Variants in RIMS2 observed in about 807,000 individuals in gnomAD.
RIMS2 encodes regulating synaptic membrane exocytosis 2.
In RIMS2, 59 loss-of-function variants were observed where a neutral mutation model predicts 174.4. The observed-to-expected ratio is 0.34, with a 90% CI of 0.27 to 0.42. The LOEUF (loss-of-function observed/expected upper bound fraction) is 0.42, where lower values mean the gene tolerates loss of function less well. Ranked by LOEUF, RIMS2 falls within the 10% of genes least tolerant of loss-of-function variation. The pLI is 1.00. For synonymous variants in RIMS2, 606 were observed against 572.5 expected (o/e 1.06, Z -0.84); for missense variants, 1,620 against 1,666.3 (o/e 0.97, Z 0.48).
chr8:104,215,456 G>A (rs918108359), intron 19 of RIMS2, among the ~76,000 whole-genome samples: 10 of 152,206 alleles, frequency 6.6e-5, no homozygotes, highest in Non-Finnish European at 1.5e-4. Flanking sequence ...AAGGAAAAGT[G>A]TAAATATGCA....
At chr8:103,717,223 A>C (rs1260791539) in intron 2 of RIMS2, among the ~76,000 whole-genome samples, 5 of 137,610 alleles carry the variant, frequency 3.6e-5, no homozygotes, top group Non-Finnish European at 7.6e-5. Flanking sequence ...GGGATGATGT[A>C]GATGGTGGCA....
intron 3 of RIMS2, among the ~76,000 whole-genome samples, chr8:103,834,742 T>TCTC (rs2098856188): frequency 1.8e-5 from 2 of 109,528 alleles, no homozygotes; most frequent in African/African-American, 8.6e-5. Context: ...CTTTCTTTCT[T>TCTC]TCTCTCTCTT....
At chr8:103,943,821 T>G (rs895069238) in intron 14 of RIMS2, among the ~76,000 whole-genome samples, 2 of 152,136 alleles carry the variant, frequency 1.3e-5, no homozygotes, top group Non-Finnish European at 2.9e-5. Context: ...TAGCAACATT[T>G]TGTCAAGTGC....
intron 1 of RIMS2, among the ~76,000 whole-genome samples, chr8:103,634,187 T>C (rs532267235): frequency 6.6e-6 from 1 of 152,348 alleles, no homozygotes; most frequent in South Asian, 2.1e-4. Context: ...AACACTGCCT[T>C]AGTTTTGTCC....
At chr8:104,184,804 A>G (rs1236272028) in intron 19 of RIMS2, among the ~76,000 whole-genome samples, 1 of 151,638 alleles carries the variant, frequency 6.6e-6, no homozygotes, top group Non-Finnish European at 1.5e-5. Context: ...GAAGTAATAA[A>G]GATCAAGTCA....
chr8:104,105,771 G>A (rs2098037599), intron 19 of RIMS2, among the ~76,000 whole-genome samples: 1 of 151,938 alleles, frequency 6.6e-6, no homozygotes, highest in African/African-American at 2.4e-5. Context: ...GGGCATGGTG[G>A]CTCACACCTG....
intron 19 of RIMS2, among the ~76,000 whole-genome samples, chr8:104,096,836 C>A (rs2130681701): frequency 6.6e-6 from 1 of 151,306 alleles, no homozygotes; most frequent in East Asian, 1.9e-4. Flanking sequence ...CCACTGCAAT[C>A]CAGCCTGGTG....
chr8:104,160,240 C>A (rs771065581), intron 19 of RIMS2, among the ~76,000 whole-genome samples: 1 of 152,052 alleles, frequency 6.6e-6, no homozygotes, highest in African/African-American at 2.4e-5. Flanking sequence ...AGGGAAGGAG[C>A]TATATCTCAT....
At chr8:104,201,292 A>T (rs1339660865) in intron 19 of RIMS2, among the ~76,000 whole-genome samples, 1 of 152,154 alleles carries the variant, frequency 6.6e-6, no homozygotes, top group Non-Finnish European at 1.5e-5. Context: ...GAAATTTTTA[A>T]TTGCTGCATA....
intron 19 of RIMS2, among the ~76,000 whole-genome samples, chr8:104,231,787 T>C (rs1433369317): frequency 6.6e-6 from 1 of 152,262 alleles, no homozygotes; most frequent in East Asian, 1.9e-4. Context: ...AACCTCTAAA[T>C]ATGTGCTATC....
intron 19 of RIMS2, among the ~76,000 whole-genome samples, chr8:104,161,931 G>A (rs963832879): frequency 1.3e-5 from 2 of 152,156 alleles, no homozygotes; most frequent in Non-Finnish European, 2.9e-5. Flanking sequence ...AATCTTTCTT[G>A]TGCATTTAAT....
chr8:104,212,107 C>T (rs537190831), intron 19 of RIMS2, among the ~76,000 whole-genome samples: 3 of 152,202 alleles, frequency 2.0e-5, no homozygotes, highest in South Asian at 2.1e-4. Context: ...GGAAAGAAAT[C>T]GAGAGTAGAT....
intron 1 of RIMS2, among the ~76,000 whole-genome samples, chr8:103,529,702 C>T (rs1270264372): frequency 2.0e-5 from 3 of 152,212 alleles, no homozygotes; most frequent in Non-Finnish European, 4.4e-5. Flanking sequence ...CAGAAATCAC[C>T]CATCTTCCGT....
intron 1 of RIMS2, among the ~76,000 whole-genome samples, chr8:103,638,373 G>A (rs2096140183): frequency 1.3e-5 from 2 of 152,058 alleles, no homozygotes; most frequent in South Asian, 2.1e-4. Flanking sequence ...AGTTACTACT[G>A]TGATGCTCTA....
intron 2 of RIMS2, among the ~76,000 whole-genome samples, chr8:103,723,448 G>A (rs2097482040): frequency 6.6e-6 from 1 of 152,210 alleles, no homozygotes; most frequent in Non-Finnish European, 1.5e-5. Context: ...GGAGTCTGTG[G>A]GTCAGATGGC....
rs71575988 is a variant in RIMS2 at position 103,967,170 on chromosome 8, G to GTTTTTTTTTTTTTTTTTTTTTT, written c.2770+6046_2770+6067dup. Reference sequence around the variant, plus strand: ...TTTTCTGCCTGCTTGATCTGTTCTTGTTTTTTTTTTTTTTTTTTTTTTTTT... The same window carrying GTTTTTTTTTTTTTTTTTTTTTT: ...TTTTCTGCCTGCTTGATCTGTTCTTGTTTTTTTTTTTTTTTTTTTTTTTTTTTTTTTTTTTTTTTTTTTTTTT... On this transcript the variant is annotated intron_variant, in intron 15 of 23. Coordinates refer to ENST00000504942, the Ensembl canonical transcript of RIMS2. Among the ~76,000 whole-genome samples, 4 of 24,962 alleles carry GTTTTTTTTTTTTTTTTTTTTTT rather than the reference G, an allele frequency of 1.6e-4. 2 individuals are homozygous for GTTTTTTTTTTTTTTTTTTTTTT. Among genetic ancestry groups the GTTTTTTTTTTTTTTTTTTTTTT allele is most frequent in the African/African-American group, 8.4e-4 (4 of 4,738 alleles). The allele number at this position is 24,962 out of a possible 152,430, so 16.4% of individuals were successfully genotyped here.
intron 3 of RIMS2, among the ~76,000 whole-genome samples, chr8:103,824,943 A>G (rs2098778546): frequency 6.6e-6 from 1 of 152,218 alleles, no homozygotes; most frequent in Non-Finnish European, 1.5e-5. Flanking sequence ...TTTCTGCTAC[A>G]CATTGTAGCT....
chr8:103,541,544 T>C (rs1842596770), intron 1 of RIMS2, among the ~76,000 whole-genome samples: 1 of 151,916 alleles, frequency 6.6e-6, no homozygotes, highest in Non-Finnish European at 1.5e-5. Flanking sequence ...CAAACTGAAA[T>C]AAGAAAAGAA....
At chr8:103,810,920 C>T (rs1168933710) in intron 3 of RIMS2, among the ~76,000 whole-genome samples, 1 of 152,114 alleles carries the variant, frequency 6.6e-6, no homozygotes, top group African/African-American at 2.4e-5. Flanking sequence ...TTTGCTGAAA[C>T]ACATTTATAG....
Sources: gnomAD v4.1 joint callset for allele counts (sites outside exome capture counted in the v4.1 genomes callset) on GRCh38, gnomAD v4.1.1 for gene constraint, MANE v1.5 for transcripts, NCBI Gene and HGNC (gene_info 2026-07-23, HGNC 2026-07-21) for gene names.